The following DHX30 variants were observed in gnomAD, a reference collection of about 807,000 sequenced individuals.
The protein encoded by DHX30 is ATP-dependent RNA helicase DHX30.
Under a neutral mutation model 116.9 loss-of-function variants are expected in DHX30, and 4 were observed. The ratio of observed to expected loss-of-function variants is 0.03; its 90% CI spans 0.02 to 0.08. The LOEUF (loss-of-function observed/expected upper bound fraction) is 0.08, where lower values mean the gene tolerates loss of function less well. DHX30 is among the 10% of genes least tolerant of loss of function. The pLI is 1.00. For missense variants in DHX30, 871 were observed against 1,595.1 expected (o/e 0.55, Z 7.73); for synonymous variants, 697 against 651.7 (o/e 1.07, Z -1.06).
In DHX30 at chr3:47,848,580, GGGAGTGGCTCTC is replaced by G. The variant is rs1382960968; in HGVS notation, c.2575+32_2576-31del. Reference sequence around the variant, plus strand: ...GTAGGGGCTGGGCTGGGCTGGGCTGGGGAGTGGCTCTCGAGGGTGGTACTGACAGCTGAGCCG... The same window carrying G: ...GTAGGGGCTGGGCTGGGCTGGGCTGGGAGGGTGGTACTGACAGCTGAGCCG... On this transcript the variant is annotated intron_variant, in intron 16 of 21. Coordinates refer to ENST00000445061, the MANE Select transcript of DHX30 (RefSeq NM_138615.3). The surrounding 1 kb of genome is among the most constrained non-coding windows in gnomAD (Gnocchi z 9.4). 1 of 1,613,950 alleles carries G rather than the reference GGGAGTGGCTCTC, an allele frequency of 6.2e-7. No individual in the cohort carries two copies. The highest frequency in any genetic ancestry group is 8.5e-7 in the Non-Finnish European group (1 of 1,180,006).
intron 6 of DHX30, among the ~76,000 whole-genome samples, chr3:47,837,577 A>T (rs890559621): frequency 4.6e-5 from 7 of 152,188 alleles, no homozygotes; most frequent in Admixed American, 4.6e-4. Context: ...CCTGGCCGAC[A>T]TGGTGAAACC....
At chr3:47,810,989 G>A (rs1014750363) in intron 3 of DHX30, among the ~76,000 whole-genome samples, 1 of 151,118 alleles carries the variant, frequency 6.6e-6, no homozygotes, top group East Asian at 1.9e-4. Flanking sequence ...CACTTCTGTC[G>A]CCCAGGCTGG....
In DHX30 at chr3:47,847,545, C is replaced by T; in HGVS notation, c.2110+9C>T. 2 of 1,590,764 alleles carry T rather than the reference C, an allele frequency of 1.3e-6. No homozygotes were observed. Among genetic ancestry groups the T allele is most frequent in the Non-Finnish European group, 1.7e-6 (2 of 1,168,086 alleles). On this transcript the variant is annotated intron_variant, in intron 13 of 21. Transcript: ENST00000445061. The surrounding 1 kb of genome is among the most constrained non-coding windows in gnomAD (Gnocchi z 5.5). ...GTACCTCATCCTGCCAGGTGAGAGC[C>T]CCGGCGGAGGGACCAGGGACCTTTG... is the stretch of plus-strand genomic sequence containing the variant.
rs71625837 is a variant in DHX30 at position 47,814,429 on chromosome 3, CAAAAAAA to C, written c.29-3580_29-3574del. Reference sequence around the variant, plus strand: ...GACAGAGCGAGACTCTGTCTCAAAACAAAAAAAAAAAAAAAAAAAGAAAAAAAAATTT... The same window carrying C: ...GACAGAGCGAGACTCTGTCTCAAAACAAAAAAAAAAAAGAAAAAAAAATTT... On this transcript the variant is annotated intron_variant, in intron 3 of 21. Transcript: ENST00000445061. Among the ~76,000 whole-genome samples, 90 of 92,652 alleles carry C rather than the reference CAAAAAAA, an allele frequency of 9.7e-4. 1 individual carries two copies. The highest frequency in any genetic ancestry group is 3.7e-3 in the African/African-American group (86 of 23,488). The allele number at this position is 92,652 out of a possible 152,430, so 60.8% of individuals were successfully genotyped here.
intron 6 of DHX30, among the ~76,000 whole-genome samples, chr3:47,836,385 G>A (rs2037117775): frequency 6.6e-6 from 1 of 152,110 alleles, no homozygotes; most frequent in African/African-American, 2.4e-5. Flanking sequence ...GCCTGCCTCT[G>A]CCTCCGCCTC....
chr3:47,826,374 T>G (rs1356287597), intron 4 of DHX30, among the ~76,000 whole-genome samples: 1 of 152,046 alleles, frequency 6.6e-6, no homozygotes, highest in African/African-American at 2.4e-5. Flanking sequence ...GATGCATCAA[T>G]TTTCCCCTTG....
At chr3:47,833,103 C>T (rs1174998855) in intron 6 of DHX30, among the ~76,000 whole-genome samples, 4 of 151,822 alleles carry the variant, frequency 2.6e-5, no homozygotes, top group Non-Finnish European at 4.4e-5. Context: ...TTTTTATTGT[C>T]TTTATTTAAT....
At position 47,849,002 on chromosome 3, in the gene DHX30, G is replaced by T; in HGVS notation, c.2852G>T (p.Arg951Leu). ...GTCGCCGGCTGGGAGGAGGTGCTGC[G>T]TTGGCAGGACCGCAGCTCCCGGGAG... Reference protein sequence around the residue: ...RAVAGWEEVLRWQDRSSRENY... With the variant: ...RAVAGWEEVLLWQDRSSRENY... The change falls in exon 18 of 22, where the codon CGT (arginine) becomes CTT (leucine). Residue 951 changes from arginine to leucine, a missense_variant. Physicochemically the swap from Arg to Leu is moderately radical, Grantham distance 102. Transcript: ENST00000445061. 6.2e-7 allele frequency: 1 copy of T among 1,613,620 alleles called. No individual in the cohort carries two copies. Among genetic ancestry groups the T allele is most frequent in the Non-Finnish European group, 8.5e-7 (1 of 1,179,850 alleles).
At chr3:47,803,590 C>T (rs2035390486) in intron 1 of DHX30, among the ~76,000 whole-genome samples, 1 of 152,230 alleles carries the variant, frequency 6.6e-6, no homozygotes, top group African/African-American at 2.4e-5. Context: ...AGGAAGCCTC[C>T]TGAGTGCCCC....
intron 6 of DHX30, chr3:47,830,892 G>A: frequency 6.6e-6 from 1 of 152,398 alleles, no homozygotes; most frequent in Non-Finnish European, 1.5e-5. Context: ...ACCGCACCCG[G>A]CCAGGTTGCT....
intron 6 of DHX30, among the ~76,000 whole-genome samples, 153 bp downstream of exon 6, chr3:47,829,287 GATATAT>G (rs1189388149): frequency 5.6e-5 from 2 of 35,844 alleles, no homozygotes; most frequent in African/African-American, 1.5e-4. Flanking sequence ...CAGCCAATGA[GATATAT>G]ATATATATAT....
chr3:47,816,744 G>C (rs2036076787), intron 3 of DHX30: 1 of 985,440 alleles, frequency 1.0e-6, no homozygotes, highest in Admixed American at 6.2e-5. Flanking sequence ...TGTGGTGAAG[G>C]AGTGTGTGCA....
chr3:47,816,203 C>T, intron 3 of DHX30: 1 of 980,774 alleles, frequency 1.0e-6, no homozygotes, highest in African/African-American at 1.8e-5. Context: ...TATAAGAGAG[C>T]TTATGGGAAA....
intron 2 of DHX30, among the ~76,000 whole-genome samples, chr3:47,809,671 C>A (rs570251034): frequency 6.6e-6 from 1 of 152,076 alleles, no homozygotes; most frequent in Non-Finnish European, 1.5e-5. Context: ...TCAGGGCAGA[C>A]CTGCTATGGA....
chr3:47,850,035 A>G lies in DHX30; in HGVS notation c.3500A>G (p.Glu1167Gly). ...LAALPPSVQE[E>G]HGQLLALLAE... ...GCACTTCCCCCCAGCGTACAGGAGG[A>G]GCACGGGCAGCTGCTTGCGCTACTG... Residue 1167 changes from glutamate (E) to glycine (G), a missense_variant, in exon 22 of 22, where the codon GAG (glutamate) becomes GGG (glycine). Coordinates refer to ENST00000445061, the MANE Select transcript of DHX30 (RefSeq NM_138615.3). 1.2e-6 allele frequency: 2 copies of G among 1,606,318 alleles called. No homozygotes were observed. Among genetic ancestry groups the G allele is most frequent in the Non-Finnish European group, 1.7e-6 (2 of 1,177,620 alleles).
chr3:47,848,546 G>A lies in DHX30; in HGVS notation c.2571G>A (p.Glu857=), dbSNP rs1392253370. ...ACGAGGCTGTGATCTTGCTCCAGGA[G>A]ATCGGTATGTAGGGGCTGGGCTGGG... is the stretch of plus-strand genomic sequence containing the variant. The part of the protein sequence containing the change: ...AVDEAVILLQ[E]IGVLDQREYL... Residue 857 remains glutamate (E), a synonymous_variant, in exon 16 of 22, where the codon GAG becomes GAA. Coordinates refer to ENST00000445061, the MANE Select transcript of DHX30 (RefSeq NM_138615.3). This position sits in a 1 kb window ranked among gnomAD's most constrained non-coding sequence, Gnocchi z 9.4. 3.2e-6 allele frequency: 5 copies of A among 1,571,366 alleles called. No homozygotes were observed. Among genetic ancestry groups the A allele is most frequent in the Non-Finnish European group, 4.4e-6 (5 of 1,148,670 alleles).
At position 47,841,599 on chromosome 3, in the gene DHX30, A is replaced by G. The variant is rs2037378118; in HGVS notation, c.669-18A>G. 3.7e-6 allele frequency: 6 copies of G among 1,613,908 alleles called. No homozygotes were observed. Among genetic ancestry groups the G allele is most frequent in the Non-Finnish European group, 5.1e-6 (6 of 1,179,950 alleles). On this transcript the variant is annotated intron_variant, in intron 7 of 21. Coordinates refer to ENST00000445061, the MANE Select transcript of DHX30 (RefSeq NM_138615.3). ...CAGGAAGAGAGAATTCTTTCAGTTA[A>G]ACTTTTGGTCCTCCCAGGGGGAGTT... is the stretch of plus-strand genomic sequence containing the variant.
chr3:47,810,311 C>T (rs2035736348), intron 2 of DHX30, among the ~76,000 whole-genome samples: 1 of 152,082 alleles, frequency 6.6e-6, no homozygotes, highest in Non-Finnish European at 1.5e-5. Flanking sequence ...AGGAAGGAAA[C>T]CTGCAAGTAT....
chr3:47,821,526 C>A (rs1459144667), intron 4 of DHX30, among the ~76,000 whole-genome samples: 1 of 152,176 alleles, frequency 6.6e-6, no homozygotes, highest in Admixed American at 6.5e-5. Context: ...GCTTCGGCCT[C>A]CCAAAGTGTT....
Sources: gnomAD v4.1 joint callset for allele counts (sites outside exome capture counted in the v4.1 genomes callset) on GRCh38, gnomAD v4.1.1 for gene constraint, Gnocchi (gnomAD v3.1) non-coding constraint, MANE v1.5 for transcripts, NCBI Gene and HGNC (gene_info 2026-07-23, HGNC 2026-07-21) for gene names.